DCC: variants seen among roughly 807,000 people sequenced by gnomAD.
DCC encodes the protein DCC netrin 1 receptor, also known as netrin receptor DCC.
A neutral mutation model predicts 172.5 loss-of-function variants in DCC; 58 were observed. The observed-to-expected ratio is 0.34, with a 90% CI of 0.27 to 0.42. The LOEUF is 0.42. DCC is among the 10% of genes least tolerant of loss of function. The pLI is 1.00. For synonymous variants in DCC, 709 were observed against 644.5 expected, an observed-to-expected ratio of 1.10 and a Z score of -1.52; for missense variants, 1,740 against 1,791.0, an observed-to-expected ratio of 0.97 and a Z score of 0.51.
At chr18:53,268,749 C>G (rs2056712375) in intron 12 of DCC, among the ~76,000 whole-genome samples, 1 of 152,168 alleles carries the variant, frequency 6.6e-6, no homozygotes, top group Admixed American at 6.5e-5. Context: ...TTTGCTCTCT[C>G]TCAGTCTTTA....
intron 1 of DCC, among the ~76,000 whole-genome samples, chr18:52,444,314 G>A (rs545565293): frequency 2.6e-5 from 4 of 152,088 alleles, no homozygotes; most frequent in Non-Finnish European, 4.4e-5. Flanking sequence ...AAATATGAAT[G>A]AAAAAACTAC....
intron 1 of DCC, among the ~76,000 whole-genome samples, chr18:52,369,096 C>T (rs1258812819): frequency 3.3e-5 from 5 of 152,142 alleles, no homozygotes; most frequent in East Asian, 3.9e-4. Flanking sequence ...TACGAAAAAC[C>T]GGGAAGGAAA....
Position 53,227,735 on chromosome 18 carries a change from G to T in DCC, c.1911+12138G>T, listed in dbSNP as rs573917410. Among the ~76,000 whole-genome samples, 63 of 152,236 alleles carry T rather than the reference G, an allele frequency of 4.1e-4. No individual in the cohort carries two copies. The South Asian group carries it at 4.6e-3, about 11-fold the overall frequency. The stretch of plus-strand genomic sequence containing the variant: ...TACCGTGTCTTCTACAAATAACTTT[G>T]TTCCAGGGTAAACAGTAAGAAATTT... On this transcript the variant is annotated intron_variant, in intron 12 of 28. Coordinates refer to ENST00000442544, the MANE Select transcript of DCC (RefSeq NM_005215.4).
intron 19 of DCC, among the ~76,000 whole-genome samples, 168 bp from the exon 20 acceptor site, chr18:53,410,284 C>A (rs912840228): frequency 1.6e-4 from 24 of 152,068 alleles, no homozygotes; most frequent in African/African-American, 5.6e-4. Context: ...AATTATTTAT[C>A]TAATCCTTGC....
At chr18:52,353,699 C>G (rs1984232719) in intron 1 of DCC, among the ~76,000 whole-genome samples, 1 of 152,070 alleles carries the variant, frequency 6.6e-6, no homozygotes, top group Non-Finnish European at 1.5e-5. Flanking sequence ...GCAGAGAGAG[C>G]AGCTTTAACT....
Position 52,903,676 on chromosome 18 carries a change from A to T in DCC, c.413-2368A>T, listed in dbSNP as rs9950420. The stretch of plus-strand genomic sequence containing the variant: ...AATTATTCCTGACTATATTTCCTTA[A>T]CTACAAAATAAAATACTAGGGATGA... On this transcript the variant is annotated intron_variant, in intron 2 of 28. Coordinates refer to ENST00000442544, the MANE Select transcript of DCC (RefSeq NM_005215.4). 2.1e-3 allele frequency among the ~76,000 whole-genome samples: 315 copies of T among 152,086 alleles called. 1 individual carries two copies. Among genetic ancestry groups the T allele is most frequent in the African/African-American group, 7.2e-3 (299 of 41,484 alleles).
At chr18:52,374,050 C>A (rs1017280365) in intron 1 of DCC, among the ~76,000 whole-genome samples, 2 of 151,854 alleles carry the variant, frequency 1.3e-5, no homozygotes, top group African/African-American at 4.8e-5. Context: ...CGCCACCACG[C>A]CTGGATTTTT....
intron 2 of DCC, chr18:52,818,046 G>A (rs1356682311): frequency 1.3e-5 from 2 of 152,114 alleles, no homozygotes; most frequent in African/African-American, 4.8e-5. Flanking sequence ...ATTTTATGCT[G>A]CTGGAGAAAA....
chr18:53,025,308 T>A (rs2143937330), intron 5 of DCC, among the ~76,000 whole-genome samples: 1 of 152,292 alleles, frequency 6.6e-6, no homozygotes, highest in East Asian at 1.9e-4. Flanking sequence ...AAATTTGTGC[T>A]ATCCTTAAGG....
At chr18:52,946,559 C>T (rs951963226) in intron 5 of DCC, among the ~76,000 whole-genome samples, 9 of 152,092 alleles carry the variant, frequency 5.9e-5, no homozygotes, top group African/African-American at 9.7e-5. Flanking sequence ...CAAGTCTGCC[C>T]TGTGTGCTTC....
At chr18:53,511,126 G>A (rs928674458) in intron 27 of DCC, among the ~76,000 whole-genome samples, 8 of 152,142 alleles carry the variant, frequency 5.3e-5, no homozygotes, top group Non-Finnish European at 1.2e-4. Context: ...GTAGGAAAAG[G>A]TGTTTTACTG....
At chr18:52,619,060 C>T (rs1281992475) in intron 1 of DCC, among the ~76,000 whole-genome samples, 2 of 152,176 alleles carry the variant, frequency 1.3e-5, no homozygotes, top group Non-Finnish European at 2.9e-5. Context: ...GCCTCAGCCT[C>T]CTGAGTAGCT....
chr18:53,137,491 G>C (rs1480297355), intron 7 of DCC, among the ~76,000 whole-genome samples: 1 of 152,186 alleles, frequency 6.6e-6, no homozygotes, highest in African/African-American at 2.4e-5. Flanking sequence ...CTTTCAGTCT[G>C]CTATGACATA....
chr18:53,080,846 G>A (rs993720280), intron 7 of DCC, among the ~76,000 whole-genome samples: 13 of 152,060 alleles, frequency 8.5e-5, no homozygotes, highest in African/African-American at 2.9e-4. Flanking sequence ...AAAAGCTTAA[G>A]GGAGAGTGTG....
chr18:53,474,665 A>G (rs536631455), intron 25 of DCC, among the ~76,000 whole-genome samples: 20 of 152,350 alleles, frequency 1.3e-4, no homozygotes, highest in African/African-American at 4.8e-4. Flanking sequence ...AGCCACATGG[A>G]ACTGTAAGTC....
At chr18:52,980,846 A>G (rs2041197963) in intron 5 of DCC, among the ~76,000 whole-genome samples, 2 of 152,096 alleles carry the variant, frequency 1.3e-5, no homozygotes, top group Non-Finnish European at 2.9e-5. Context: ...AGAATAGGCC[A>G]TATCAGAGAA....
chr18:53,233,123 T>G lies in DCC; in HGVS notation c.1911+17526T>G, dbSNP rs184905585. 5.9e-5 allele frequency among the ~76,000 whole-genome samples: 9 copies of G among 152,284 alleles called. No individual in the cohort carries two copies. The East Asian group carries it at 1.7e-3, about 29-fold the overall frequency. ...ACCTTGCCTGTTCTTAAGGTCAAGC[T>G]AATCAGTGCTATGGGAGAAAATCCT... On this transcript the variant is annotated intron_variant, in intron 12 of 28. Coordinates refer to ENST00000442544, the MANE Select transcript of DCC (RefSeq NM_005215.4).
chr18:52,812,734 G>T (rs967104825), intron 2 of DCC, among the ~76,000 whole-genome samples: 1 of 152,198 alleles, frequency 6.6e-6, no homozygotes, highest in Non-Finnish European at 1.5e-5. Flanking sequence ...GGTAATGGGG[G>T]TCTGGGTTTC....
chr18:53,146,489 A>T (rs1209015181), intron 7 of DCC, among the ~76,000 whole-genome samples: 1 of 152,152 alleles, frequency 6.6e-6, no homozygotes, highest in Admixed American at 6.5e-5. Context: ...AAGAGCAATG[A>T]TTCCTATTTA....
Sources: allele counts gnomAD v4.1 joint callset (sites outside exome capture counted in the v4.1 genomes callset), GRCh38; gene constraint gnomAD v4.1.1; transcripts MANE v1.5; gene names NCBI Gene and HGNC (gene_info 2026-07-23, HGNC 2026-07-21).